PLCB1: variants seen among roughly 807,000 people sequenced by gnomAD.
PLCB1 encodes the protein phospholipase C beta 1.
A neutral mutation model predicts 161.8 loss-of-function variants in PLCB1; 46 were observed. That is an observed-to-expected ratio of 0.28 (90% CI 0.22 to 0.36). The LOEUF (loss-of-function observed/expected upper bound fraction) is 0.36, where lower values mean the gene tolerates loss of function less well. Among genes scored for constraint, PLCB1 ranks in the 10% least tolerant of loss-of-function variants. PLCB1 has a pLI of 1.00. For synonymous variants in PLCB1, 517 were observed against 503.7 expected (o/e 1.03, Z -0.35); for missense variants, 1,016 against 1,472.5 (o/e 0.69, Z 5.07).
At position 8,437,472 on chromosome 20, in the gene PLCB1, T is replaced by C. The variant is rs115252872; in HGVS notation, c.246+66022T>C. ...ATGAAATGCTATTTCATTGTAGCAC[T>C]ATTGTTTTAGAAATGGTTTTATTAA... On this transcript the variant is annotated intron_variant, in intron 3 of 31. Transcript: ENST00000338037. Among the ~76,000 whole-genome samples, 1,198 of 152,348 alleles carry C rather than the reference T, an allele frequency of 7.9e-3. 13 individuals carry two copies. Among genetic ancestry groups the C allele is most frequent in the African/African-American group, 0.028 (1,147 of 41,584 alleles).
intron 7 of PLCB1, among the ~76,000 whole-genome samples, chr20:8,656,959 A>G (rs1989477658): frequency 6.6e-6 from 1 of 152,086 alleles, no homozygotes; most frequent in South Asian, 2.1e-4. Flanking sequence ...TTGACACCCT[A>G]AAGCCAGTGT....
At chr20:8,750,468 C>A (rs1981399202) in intron 23 of PLCB1, among the ~76,000 whole-genome samples, 2 of 152,078 alleles carry the variant, frequency 1.3e-5, no homozygotes, top group African/African-American at 4.8e-5. Flanking sequence ...TATCAGCCAC[C>A]CGGATTCCAT....
chr20:8,509,747 T>C (rs1239280396), intron 3 of PLCB1, among the ~76,000 whole-genome samples: 2 of 149,782 alleles, frequency 1.3e-5, no homozygotes, highest in Non-Finnish European at 2.9e-5. Flanking sequence ...GATAGATAGA[T>C]AGATAGATAG....
chr20:8,489,454 C>T (rs1982857822), intron 3 of PLCB1, among the ~76,000 whole-genome samples: 1 of 152,160 alleles, frequency 6.6e-6, no homozygotes, highest in South Asian at 2.1e-4. Flanking sequence ...AAATGTCTTC[C>T]TGTCTTTATG....
chr20:8,434,191 G>C (rs770911793), intron 3 of PLCB1, among the ~76,000 whole-genome samples: 3 of 152,108 alleles, frequency 2.0e-5, no homozygotes, highest in Non-Finnish European at 4.4e-5. Context: ...AGTTAGTTTT[G>C]TGTCTGCACT....
intron 2 of PLCB1, among the ~76,000 whole-genome samples, chr20:8,187,867 T>C (rs1424321802): frequency 6.6e-6 from 1 of 152,108 alleles, no homozygotes; most frequent in South Asian, 2.1e-4. Context: ...GTGGTGGTGT[T>C]ATGTGTGACT....
intron 4 of PLCB1, among the ~76,000 whole-genome samples, chr20:8,635,084 C>T (rs1268991034): frequency 2.6e-5 from 4 of 152,096 alleles, no homozygotes; most frequent in Admixed American, 1.3e-4. Context: ...GTTCTGTGAA[C>T]CTTGAACATA....
chr20:8,876,143 G>T (rs1987772840), intron 31 of PLCB1, among the ~76,000 whole-genome samples: 2 of 152,098 alleles, frequency 1.3e-5, no homozygotes, highest in Middle Eastern at 3.2e-3. Flanking sequence ...GAGAAATTTA[G>T]AATTTGAGCC....
chr20:8,557,020 T>TAAATA (rs1555771065), intron 3 of PLCB1, among the ~76,000 whole-genome samples: 2 of 145,272 alleles, frequency 1.4e-5, no homozygotes, highest in African/African-American at 5.2e-5. Flanking sequence ...ATAAAATAAA[T>TAAATA]AAAAAAAATA....
intron 7 of PLCB1, chr20:8,653,352 ATAAATCAGAAGCAATCACTTTTGTAGT>A (rs1410546632): frequency 8.5e-5 from 13 of 152,196 alleles, no homozygotes; most frequent in African/African-American, 3.1e-4. Flanking sequence ...CATCCTGAAT[ATAAATCAGAAGCAATCACTTTTGTAGT>A]TGTGATTCTT....
chr20:8,245,874 T>C (rs1980853095), intron 2 of PLCB1, among the ~76,000 whole-genome samples: 1 of 151,980 alleles, frequency 6.6e-6, no homozygotes, highest in East Asian at 1.9e-4. Flanking sequence ...TGTAGTATTA[T>C]TCTTTTAACT....
intron 9 of PLCB1, among the ~76,000 whole-genome samples, chr20:8,662,824 T>C (rs1194289646): frequency 6.6e-6 from 1 of 151,840 alleles, no homozygotes; most frequent in Non-Finnish European, 1.5e-5. Flanking sequence ...GATTTCTTCC[T>C]GTAGGGGACA....
intron 26 of PLCB1, among the ~76,000 whole-genome samples, chr20:8,766,628 G>A (rs1180791855): frequency 1.3e-5 from 2 of 152,352 alleles, no homozygotes; most frequent in Middle Eastern, 3.4e-3. Flanking sequence ...TATCGAACGT[G>A]CAATAAGATT....
intron 3 of PLCB1, among the ~76,000 whole-genome samples, chr20:8,537,494 T>C (rs2143203): frequency 0.63 from 96,183 of 151,786 alleles, 31,224 homozygotes; most frequent in African/African-American, 0.77. Context: ...GTGCTGGCTG[T>C]GACCAATTAT....
intron 2 of PLCB1, among the ~76,000 whole-genome samples, chr20:8,173,015 G>A (rs974113236): frequency 1.3e-5 from 2 of 152,108 alleles, no homozygotes; most frequent in African/African-American, 4.8e-5. Flanking sequence ...GGGATCAGTC[G>A]GGAATTCAGT....
chr20:8,847,353 C>T (rs1986725999), intron 31 of PLCB1, among the ~76,000 whole-genome samples: 1 of 152,226 alleles, frequency 6.6e-6, no homozygotes, highest in South Asian at 2.1e-4. Flanking sequence ...ATTAGACACA[C>T]ATCCAAGATC....
At chr20:8,684,172 C>T (rs970280517) in intron 9 of PLCB1, among the ~76,000 whole-genome samples, 2 of 152,100 alleles carry the variant, frequency 1.3e-5, no homozygotes, top group Admixed American at 1.3e-4. Flanking sequence ...GCGTGAGCCA[C>T]CGCGCCCAGC....
chr20:8,229,864 A>AAAATAAAAT (rs776019896), intron 2 of PLCB1, among the ~76,000 whole-genome samples: 4,437 of 146,904 alleles, frequency 0.03, 145 homozygotes, highest in African/African-American at 0.075. Context: ...CTCATAAAAT[A>AAAATAAAAT]AAATAAAATA....
intron 3 of PLCB1, among the ~76,000 whole-genome samples, chr20:8,374,959 C>G (rs994091225): frequency 1.3e-5 from 2 of 151,958 alleles, no homozygotes; most frequent in South Asian, 2.1e-4. Flanking sequence ...GTTTTTTGTG[C>G]CTGCTGTGAT....
Sources: allele counts gnomAD v4.1 joint callset (sites outside exome capture counted in the v4.1 genomes callset), GRCh38; gene constraint gnomAD v4.1.1; transcripts MANE v1.5; gene names NCBI Gene and HGNC (gene_info 2026-07-23, HGNC 2026-07-21).